The following PNLDC1 variants were observed in gnomAD, a reference collection of about 807,000 sequenced individuals.
PNLDC1 encodes the protein poly(A)-specific ribonuclease PNLDC1.
In PNLDC1, 70 loss-of-function variants were observed where a neutral mutation model predicts 82.0. The ratio of observed to expected loss-of-function variants is 0.85; its 90% CI spans 0.70 to 1.04. The LOEUF (loss-of-function observed/expected upper bound fraction) is 1.04. PNLDC1 is among the 50% of genes least tolerant of loss of function. The pLI is 0.00. For synonymous variants in PNLDC1, 280 were observed against 249.3 expected (o/e 1.12, Z -1.16); for missense variants, 631 against 661.1 (o/e 0.95, Z 0.50).
chr6:159,816,127 T>TCCCCTCCCCCCCACCTCCCCCTG (rs1781809602), intron 13 of PNLDC1, 94 bp downstream of exon 13: 11 of 541,048 alleles, frequency 2.0e-5, no homozygotes, highest in South Asian at 1.1e-4. Context: ...CCCACACCCC[T>TCCCCTCCCCCCCACCTCCCCCTG]CCCCACCCAC....
chr6:159,800,264 G>A (rs1224897593), upstream of PNLDC1: 1 of 1,299,730 alleles, frequency 7.7e-7, no homozygotes, highest in Admixed American at 2.3e-5. Flanking sequence ...CAGCACGTGG[G>A]CAGCACGTGA....
chr6:159,818,585 T>G lies in PNLDC1; in HGVS notation c.1188T>G (p.Pro396=). 6.2e-7 allele frequency: 1 copy of G among 1,613,890 alleles called. No individual in the cohort carries two copies. Among genetic ancestry groups the G allele is most frequent in the Non-Finnish European group, 8.5e-7 (1 of 1,180,030 alleles). Reference sequence around the variant, plus strand: ...ACCCCGTGCCCGAGTCATCCTTTCCTCAGTACCTTGACGTGCTGGCTCCTT... The same window carrying G: ...ACCCCGTGCCCGAGTCATCCTTTCCGCAGTACCTTGACGTGCTGGCTCCTT... ...HIDPVPESSF[P]QYLDVLAPYV... Residue 396 remains proline (P), a synonymous_variant, in exon 16 of 19, where the codon CCT becomes CCG. Coordinates refer to ENST00000392167, the MANE Select transcript of PNLDC1 (RefSeq NM_001271862.2).
At position 159,804,072 on chromosome 6, in the gene PNLDC1, G is replaced by A; in HGVS notation, c.356G>A (p.Gly119Asp). The change falls in exon 5 of 19, where the codon GGC becomes GAC. Residue 119 changes from glycine (G) to aspartate (D), a missense_variant. Physicochemically the swap from Gly to Asp is moderately conservative, Grantham distance 94. Transcript: ENST00000392167. Reference sequence around the variant, plus strand: ...AGTGTTCAGTTTTTGAATCAGTATGGCTTCAACTATAACAAGGTATGGCAT... The same window carrying A: ...AGTGTTCAGTTTTTGAATCAGTATGACTTCAACTATAACAAGGTATGGCAT... ...ASSVQFLNQYGFNYNKFLKNG... is the reference protein window; with the variant it reads ...ASSVQFLNQYDFNYNKFLKNG... 3.1e-6 allele frequency: 5 copies of A among 1,613,592 alleles called. No homozygotes were observed. The highest frequency in any genetic ancestry group is 4.2e-6 in the Non-Finnish European group (5 of 1,179,894).
rs770361019 is a variant in PNLDC1 at position 159,811,755 on chromosome 6, A to T, written c.908A>T (p.Asp303Val). 1 of 1,613,490 alleles carries T rather than the reference A, an allele frequency of 6.2e-7. No homozygotes were observed. Among genetic ancestry groups the T allele is most frequent in the East Asian group, 2.2e-5 (1 of 44,870 alleles). Reference sequence around the variant, plus strand: ...CACAGCCTATTTCCTGTTCTCATTGATACCAAGAGTGTAACAAAGGATATC... The same window carrying T: ...CACAGCCTATTTCCTGTTCTCATTGTTACCAAGAGTGTAACAAAGGATATC... ...NIHSLFPVLI[D>V]TKSVTKDIWK... The change falls in exon 11 of 19, where the codon GAT becomes GTT. Residue 303 changes from aspartate to valine, a missense_variant. Transcript: ENST00000392167.
At chr6:159,803,678 A>G (rs1444857856) in intron 4 of PNLDC1, among the ~76,000 whole-genome samples, 1 of 151,476 alleles carries the variant, frequency 6.6e-6, no homozygotes, top group Non-Finnish European at 1.5e-5. Flanking sequence ...ATGCCTCCCC[A>G]CCCCCCATGA....
chr6:159,805,014 G>A (rs1178694560), intron 6 of PNLDC1, among the ~76,000 whole-genome samples: 3 of 152,238 alleles, frequency 2.0e-5, no homozygotes, highest in Non-Finnish European at 4.4e-5. Flanking sequence ...GTGATCTTCT[G>A]AGGGATTTTT....
intron 7 of PNLDC1, among the ~76,000 whole-genome samples, chr6:159,808,409 G>T (rs1033830683): frequency 6.6e-6 from 1 of 151,114 alleles, no homozygotes; most frequent in Non-Finnish European, 1.5e-5. Flanking sequence ...ATGGGTTTTT[G>T]TTACTTAAAA....
chr6:159,812,574 C>T (rs1443462043), intron 11 of PNLDC1, among the ~76,000 whole-genome samples: 1 of 152,150 alleles, frequency 6.6e-6, no homozygotes, highest in Non-Finnish European at 1.5e-5. Context: ...GTTGAAAATG[C>T]TGATAGCCAG....
chr6:159,800,900 G>A (rs1157097711), intron 2 of PNLDC1, 71 bp downstream of exon 2: 2 of 1,606,432 alleles, frequency 1.2e-6, no homozygotes, highest in African/African-American at 2.7e-5. Context: ...CCAGCAGCCT[G>A]TTGGCATTTG....
chr6:159,811,435 C>T (rs992070345), intron 10 of PNLDC1, among the ~76,000 whole-genome samples: 4 of 152,116 alleles, frequency 2.6e-5, no homozygotes, highest in African/African-American at 7.2e-5. Flanking sequence ...GCTAGAGCTT[C>T]GCAAACTACA....
In PNLDC1 at chr6:159,801,104, T is replaced by C. The variant is rs1781236054; in HGVS notation, c.135-9T>C. 6.2e-7 allele frequency: 1 copy of C among 1,614,130 alleles called. No homozygotes were observed. The highest frequency in any genetic ancestry group is 1.3e-5 in the African/African-American group (1 of 75,062). On this transcript the variant is annotated splice_polypyrimidine_tract_variant and intron_variant, in intron 2 of 18. Transcript: ENST00000392167. ...TTGCTCGTGGAATGAGATGCCTGTT[T>C]GTTCACAGTCTTTTTGATTTGCCAT...
chr6:159,799,519 C>T (rs1043292035), upstream of PNLDC1, among the ~76,000 whole-genome samples: 1 of 152,144 alleles, frequency 6.6e-6, no homozygotes, highest in Non-Finnish European at 1.5e-5. Context: ...GAGCACCTCA[C>T]TTTGAGGACC....
chr6:159,810,132 A>G, intron 10 of PNLDC1, 37 bp downstream of exon 10: 2 of 1,577,496 alleles, frequency 1.3e-6, no homozygotes, highest in East Asian at 2.2e-5. Flanking sequence ...CCTTCACGCT[A>G]GTTTGCCATC....
At chr6:159,804,138 A>T (rs777957143) in intron 5 of PNLDC1, 50 bp downstream of exon 5, 3 of 1,598,118 alleles carry the variant, frequency 1.9e-6, no homozygotes, top group South Asian at 1.1e-5. Context: ...TGTTTCTGAG[A>T]TGGAGTCTCG....
rs55637742 is a variant in PNLDC1 at position 159,806,019 on chromosome 6, C to A, written c.498C>A (p.Asp166Glu). 6.2e-7 allele frequency: 1 copy of A among 1,614,122 alleles called. No individual in the cohort carries two copies. Among genetic ancestry groups the A allele is most frequent in the South Asian group, 1.1e-5 (1 of 91,084 alleles). The change falls in exon 7 of 19, where the codon GAC becomes GAA. Residue 166 changes from aspartate (D) to glutamate (E), a missense_variant. Transcript: ENST00000392167. ...AAGACCAAATCAAGGTGGTGATTGA[C>A]GAAGTGACGCGGTGGCTGGAGCTGG... ...PDKDQIKVVIDEVTRWLELAK... is the reference protein window; with the variant it reads ...PDKDQIKVVIEEVTRWLELAK...
At chr6:159,814,293 T>TGC (rs1419847159) in intron 12 of PNLDC1, among the ~76,000 whole-genome samples, 17 of 152,086 alleles carry the variant, frequency 1.1e-4, no homozygotes, top group African/African-American at 3.9e-4. Context: ...GATGTGTGTG[T>TGC]GCGATTTTTT....
At position 159,816,083 on chromosome 6, in the gene PNLDC1, G is replaced by T; in HGVS notation, c.1060+50G>T. ...CTTGCACAGTCGGCAGAGTGCTGAGGTGCTCAGCTGAGCTTGTCCTTGACC... is the reference window on the plus strand; with the variant it reads ...CTTGCACAGTCGGCAGAGTGCTGAGTTGCTCAGCTGAGCTTGTCCTTGACC... On this transcript the variant is annotated intron_variant, in intron 13 of 18. Coordinates refer to ENST00000392167, the MANE Select transcript of PNLDC1 (RefSeq NM_001271862.2). 2.4e-6 allele frequency: 3 copies of T among 1,268,938 alleles called. No individual in the cohort carries two copies. In the South Asian group the frequency reaches 3.9e-5, roughly 17 times the overall value. The allele number at this position is 1,268,938 out of a possible 1,614,324, so 78.6% of individuals were successfully genotyped here. A position where few individuals can be genotyped will look rare whatever the true frequency, so the allele number is the denominator to read the frequency against.
rs201808104 is a variant in PNLDC1, at chr6:159,800,754, T to C, written c.77-18T>C. On this transcript the variant is annotated intron_variant, in intron 1 of 18. Coordinates refer to ENST00000392167, the MANE Select transcript of PNLDC1 (RefSeq NM_001271862.2). ...ATGTTCTGCACCCGAGGACTGCTAT[T>C]TTTTGCCTTCCTGGCAGGTCTGGAC... 13 of 1,614,142 alleles carry C rather than the reference T, an allele frequency of 8.1e-6. No homozygotes were observed. The East Asian group carries it at 2.9e-4, about 36-fold the overall frequency.
At position 159,818,634 on chromosome 6, in the gene PNLDC1, C is replaced by T. The variant is rs760549447; in HGVS notation, c.1237C>T (p.Arg413Ter). The change falls in exon 16 of 19, where the codon CGA becomes TGA. Residue 413 changes from arginine to a stop codon, truncating the protein, a stop_gained. Transcript: ENST00000392167. LOFTEE classifies it high-confidence loss of function. ...APYVNQVNLI[R>*]AGVPKINFSG... ...TTACGTGAACCAAGTGAACCTCATC[C>T]GAGCGGGGGTCCCAAAGATCGTGAG... 9.3e-6 allele frequency: 15 copies of T among 1,613,612 alleles called. No individual in the cohort carries two copies. Among genetic ancestry groups the T allele is most frequent in the South Asian group, 3.3e-5 (3 of 91,070 alleles).
Sources: gnomAD v4.1 joint callset for allele counts (sites outside exome capture counted in the v4.1 genomes callset) on GRCh38, gnomAD v4.1.1 for gene constraint, MANE v1.5 for transcripts, NCBI Gene and HGNC (gene_info 2026-07-23, HGNC 2026-07-21) for gene names.